Variants in SHISAL2B observed in about 807,000 individuals in gnomAD.
The protein encoded by SHISAL2B is shisa like 2B, also known as protein shisa-like-2B.
In SHISAL2B, 12 loss-of-function variants were observed where a neutral mutation model predicts 16.5. The observed-to-expected ratio is 0.73, with a 90% CI of 0.47 to 1.18. SHISAL2B has a LOEUF of 1.18. SHISAL2B is among the 50% of genes most tolerant of loss of function. The probability of loss-of-function intolerance (pLI) is 0.00; values close to 1 mark genes in which losing one functional copy is unlikely to be tolerated. For missense variants in SHISAL2B, 183 were observed against 193.6 expected (o/e 0.95, Z 0.33); for synonymous variants, 72 against 75.0 (o/e 0.96, Z 0.21).
intron 2 of SHISAL2B, 37 bp from the exon 3 acceptor site, chr5:64,717,852 T>C (rs1742079135): frequency 4.7e-6 from 7 of 1,482,046 alleles, no homozygotes; most frequent in East Asian, 2.5e-5. Context: ...AACGATGTCA[T>C]AATTTCAAAT....
chr5:64,704,517 A>G (rs959972629), intron 2 of SHISAL2B, among the ~76,000 whole-genome samples: 2 of 152,236 alleles, frequency 1.3e-5, no homozygotes, highest in African/African-American at 2.4e-5. Context: ...AAGAATGGAA[A>G]TAAGTAGCAG....
At chr5:64,717,805 AC>A in intron 2 of SHISAL2B, 83 bp from the exon 3 acceptor site, 1 of 1,225,008 alleles carries the variant, frequency 8.2e-7, no homozygotes. Flanking sequence ...CAATATTGCT[AC>A]AAAAATTATT....
At chr5:64,715,030 C>G (rs369556382) in intron 2 of SHISAL2B, among the ~76,000 whole-genome samples, 1 of 152,052 alleles carries the variant, frequency 6.6e-6, no homozygotes, top group African/African-American at 2.4e-5. Flanking sequence ...AGCTGTAGAC[C>G]GGAGCTGTTA....
intron 2 of SHISAL2B, among the ~76,000 whole-genome samples, chr5:64,714,292 C>A (rs1163690044): frequency 7.1e-6 from 1 of 141,352 alleles, no homozygotes; most frequent in Non-Finnish European, 1.5e-5. Flanking sequence ...TGTTGGAATA[C>A]CCTGCAGTGT....
intron 2 of SHISAL2B, among the ~76,000 whole-genome samples, chr5:64,705,017 G>A (rs576867133): frequency 4.6e-5 from 7 of 152,288 alleles, no homozygotes; most frequent in East Asian, 3.9e-4. Context: ...TCTTGTTCAC[G>A]TAGCAATTTG....
In SHISAL2B at chr5:64,690,815, G is replaced by T. The variant is rs1466962032; in HGVS notation, c.191+1G>T. On this transcript the variant is annotated splice_donor_variant, in intron 1 of 2. Transcript: ENST00000389074. LOFTEE classifies it high-confidence loss of function. The stretch of plus-strand genomic sequence containing the variant: ...AGCACAGCTACATGTGGAGCCTCAG[G>T]TGGGCTGAGAGCCCGCGCGTGCGGC... 5 of 1,513,626 alleles carry T rather than the reference G, an allele frequency of 3.3e-6. No individual in the cohort carries two copies. In the African/African-American group the frequency reaches 7.0e-5, roughly 21 times the overall value. 93.8% of individuals were successfully genotyped at this position (1,513,626 alleles called of 1,614,324 possible). A position where few individuals can be genotyped will look rare whatever the true frequency, so the allele number is the denominator to read the frequency against.
In SHISAL2B at chr5:64,698,113, A is replaced by G. The variant is rs113272573; in HGVS notation, c.349+2449A>G. On this transcript the variant is annotated intron_variant, in intron 2 of 2. Coordinates refer to ENST00000389074, the MANE Select transcript of SHISAL2B (RefSeq NM_001164442.2). Reference sequence around the variant, plus strand: ...ATCAAATAATCAGATTGTAAAATCAATTTTTATCTCAATTGCTTAGGTAAA... The same window carrying G: ...ATCAAATAATCAGATTGTAAAATCAGTTTTTATCTCAATTGCTTAGGTAAA... 2.6e-5 allele frequency among the ~76,000 whole-genome samples: 4 copies of G among 152,358 alleles called. 1 individual carries two copies. The highest frequency in any genetic ancestry group is 9.6e-5 in the African/African-American group (4 of 41,588).
chr5:64,690,982 G>A (rs1398969496), intron 1 of SHISAL2B, among the ~76,000 whole-genome samples, 168 bp downstream of exon 1: 1 of 152,254 alleles, frequency 6.6e-6, no homozygotes. Context: ...AGGGCAGGGA[G>A]AGAAATCTCG....
Position 64,690,829 on chromosome 5 carries a change from C to A in SHISAL2B, c.191+15C>A. ...TGGAGCCTCAGGTGGGCTGAGAGCC[C>A]GCGCGTGCGGCGGCTGGCCGAGCCC... On this transcript the variant is annotated intron_variant, in intron 1 of 2. Transcript: ENST00000389074. 1 of 1,485,894 alleles carries A rather than the reference C, an allele frequency of 6.7e-7. No homozygotes were observed. The highest frequency in any genetic ancestry group is 8.9e-7 in the Non-Finnish European group (1 of 1,118,970). The allele number at this position is 1,485,894 out of a possible 1,614,324, so 92.0% of individuals were successfully genotyped here.
intron 1 of SHISAL2B, 50 bp from the exon 2 acceptor site, chr5:64,695,457 C>G: frequency 1.5e-6 from 2 of 1,331,470 alleles, no homozygotes; most frequent in Non-Finnish European, 2.0e-6. Context: ...TTTAGTTGAA[C>G]CAGTGTGAAC....
chr5:64,708,201 C>A (rs1176104506), intron 2 of SHISAL2B, among the ~76,000 whole-genome samples: 1 of 152,056 alleles, frequency 6.6e-6, no homozygotes, highest in African/African-American at 2.4e-5. Flanking sequence ...CCAAAGAATA[C>A]CAAACACCAT....
chr5:64,702,611 T>A (rs1741825648), intron 2 of SHISAL2B, among the ~76,000 whole-genome samples: 1 of 151,804 alleles, frequency 6.6e-6, no homozygotes. Context: ...TATAATTACC[T>A]AATATAATAT....
chr5:64,701,257 G>A (rs747953216), intron 2 of SHISAL2B, among the ~76,000 whole-genome samples: 3 of 152,152 alleles, frequency 2.0e-5, no homozygotes, highest in African/African-American at 4.8e-5. Context: ...TGGATATGGA[G>A]GGCCAACTAT....
chr5:64,717,057 C>T (rs1476304041), intron 2 of SHISAL2B, among the ~76,000 whole-genome samples: 2 of 152,058 alleles, frequency 1.3e-5, no homozygotes, highest in African/African-American at 4.8e-5. Context: ...TTTTTGGCCA[C>T]TGGACTGTGG....
At chr5:64,690,997 G>A (rs1463957949) in intron 1 of SHISAL2B, among the ~76,000 whole-genome samples, 183 bp downstream of exon 1, 1 of 152,244 alleles carries the variant, frequency 6.6e-6, no homozygotes, top group East Asian at 1.9e-4. Context: ...ATCTCGCCCC[G>A]GCTCGGAGCT....
chr5:64,703,622 T>C (rs1741839674), intron 2 of SHISAL2B, among the ~76,000 whole-genome samples: 1 of 152,180 alleles, frequency 6.6e-6, no homozygotes, highest in African/African-American at 2.4e-5. Flanking sequence ...ATTTCAAGGA[T>C]ATATAATATC....
chr5:64,704,696 A>G (rs2112065161), intron 2 of SHISAL2B, among the ~76,000 whole-genome samples: 1 of 152,260 alleles, frequency 6.6e-6, no homozygotes, highest in African/African-American at 2.4e-5. Context: ...CCATGTTGTT[A>G]CCTGTGACAG....
chr5:64,701,055 T>C (rs142546776), intron 2 of SHISAL2B, among the ~76,000 whole-genome samples: 168 of 152,252 alleles, frequency 1.1e-3, no homozygotes, highest in Non-Finnish European at 2.0e-3. Flanking sequence ...GGCCCAGGGG[T>C]TGGGGACCCC....
chr5:64,705,016 C>T (rs1049873303), intron 2 of SHISAL2B, among the ~76,000 whole-genome samples: 4 of 152,228 alleles, frequency 2.6e-5, no homozygotes, highest in African/African-American at 2.4e-5. Context: ...TTCTTGTTCA[C>T]GTAGCAATTT....
Sources: allele counts gnomAD v4.1 joint callset (sites outside exome capture counted in the v4.1 genomes callset), GRCh38; gene constraint gnomAD v4.1.1; transcripts MANE v1.5; gene names NCBI Gene and HGNC (gene_info 2026-07-23, HGNC 2026-07-21).